Variants in FYB2 observed in about 807,000 individuals in gnomAD.
FYB2 encodes the protein FYN binding protein 2.
Under a neutral mutation model 94.1 loss-of-function variants are expected in FYB2, and 103 were observed. The observed-to-expected ratio is 1.09, with a 90% CI of 0.93 to 1.29. FYB2 has a LOEUF of 1.29. Among genes scored for constraint, FYB2 ranks in the 50% most tolerant of loss-of-function variants. The pLI, the probability that FYB2 is intolerant of heterozygous loss-of-function variation, is 0.00. For synonymous variants in FYB2, 293 were observed against 287.9 expected, an observed-to-expected ratio of 1.02 and a Z score of -0.18; for missense variants, 896 against 841.5, an observed-to-expected ratio of 1.06 and a Z score of -0.80.
chr1:56,763,310 G>C (rs992871235), intron 5 of FYB2, among the ~76,000 whole-genome samples: 1 of 152,100 alleles, frequency 6.6e-6, no homozygotes, highest in Non-Finnish European at 1.5e-5. Context: ...CCATTTTTGG[G>C]AAAGATTGTA....
At chr1:56,760,831 C>A (rs1313979452) in intron 5 of FYB2, among the ~76,000 whole-genome samples, 1 of 152,146 alleles carries the variant, frequency 6.6e-6, no homozygotes, top group Admixed American at 6.5e-5. Flanking sequence ...AGTGGAGGTT[C>A]TTTCGTGGCA....
chr1:56,722,141 C>T (rs1482462452), intron 17 of FYB2, among the ~76,000 whole-genome samples: 2 of 152,000 alleles, frequency 1.3e-5, no homozygotes, highest in African/African-American at 4.8e-5. Flanking sequence ...TGTTGTTTTT[C>T]AATTAATCAA....
At chr1:56,768,401 T>C (rs946599586) in intron 4 of FYB2, among the ~76,000 whole-genome samples, 3 of 152,192 alleles carry the variant, frequency 2.0e-5, no homozygotes, top group Non-Finnish European at 2.9e-5. Flanking sequence ...AATATGCTGT[T>C]CCATCTGTAA....
At chr1:56,774,199 A>G (rs1645823881) in intron 4 of FYB2, among the ~76,000 whole-genome samples, 1 of 152,204 alleles carries the variant, frequency 6.6e-6, no homozygotes, top group African/African-American at 2.4e-5. Flanking sequence ...AGTAGAGCAG[A>G]ATGATTCAGA....
chr1:56,744,895 G>A (rs894517920), intron 9 of FYB2, among the ~76,000 whole-genome samples: 1 of 151,924 alleles, frequency 6.6e-6, no homozygotes, highest in Non-Finnish European at 1.5e-5. Context: ...TTTAGGGTAT[G>A]GGTAATTCAT....
intron 8 of FYB2, among the ~76,000 whole-genome samples, chr1:56,753,154 A>C (rs145760795): frequency 5.3e-5 from 8 of 152,192 alleles, no homozygotes; most frequent in African/African-American, 1.9e-4. Flanking sequence ...GCATCTTAAA[A>C]GATAGGCACA....
At chr1:56,771,644 A>G (rs1222624899) in intron 4 of FYB2, among the ~76,000 whole-genome samples, 1 of 152,208 alleles carries the variant, frequency 6.6e-6, no homozygotes, top group African/African-American at 2.4e-5. Context: ...AGGTGAGGTT[A>G]GAGTTGAAGC....
chr1:56,755,247 G>C (rs981902838), intron 7 of FYB2, among the ~76,000 whole-genome samples: 2 of 152,034 alleles, frequency 1.3e-5, no homozygotes, highest in Admixed American at 1.3e-4. Context: ...CTCCCAGACA[G>C]GAAGGGGAGT....
intron 17 of FYB2, among the ~76,000 whole-genome samples, chr1:56,723,115 C>T (rs549809230): frequency 1.3e-5 from 2 of 152,070 alleles, no homozygotes; most frequent in African/African-American, 4.8e-5. Flanking sequence ...ACTGTGCTTA[C>T]AGTTTTATGT....
chr1:56,771,523 G>T lies in FYB2; in HGVS notation c.954-3585C>A, dbSNP rs529221075. Among the ~76,000 whole-genome samples the T allele has an allele frequency of 2.6e-5, 4 of 152,294 alleles. No homozygotes were observed. The East Asian group carries it at 7.7e-4, about 29-fold the overall frequency. On this transcript the variant is annotated intron_variant, in intron 4 of 19. Coordinates refer to ENST00000343433, the MANE Select transcript of FYB2 (RefSeq NM_001004303.5). ...GGAGAAAGGGAAATGGAATTATGGA[G>T]TAAATTCATAATCTTTTCCCCTCTG...
intron 4 of FYB2, among the ~76,000 whole-genome samples, chr1:56,784,787 C>A (rs758436120): frequency 2.6e-4 from 39 of 152,290 alleles, no homozygotes; most frequent in South Asian, 1.2e-3. Context: ...ATCCACCCAT[C>A]AACTACATCT....
intron 1 of FYB2, among the ~76,000 whole-genome samples, chr1:56,811,860 A>G (rs1646776390): frequency 6.6e-6 from 1 of 152,224 alleles, no homozygotes; most frequent in Non-Finnish European, 1.5e-5. Flanking sequence ...AATCTTTTAA[A>G]AGTTTAAGTG....
chr1:56,796,350 C>T (rs1487916893), intron 1 of FYB2, among the ~76,000 whole-genome samples: 1 of 152,118 alleles, frequency 6.6e-6, no homozygotes, highest in Non-Finnish European at 1.5e-5. Context: ...TAGGGTCCTT[C>T]TGGTTAAAAC....
chr1:56,819,475 G>A, upstream of FYB2: 2 of 771,702 alleles, frequency 2.6e-6, no homozygotes, highest in Non-Finnish European at 4.1e-6. Context: ...CTGGGGCTGG[G>A]CCAGGGCCGG....
intron 8 of FYB2, among the ~76,000 whole-genome samples, chr1:56,752,565 G>A (rs1469829460): frequency 6.6e-6 from 1 of 152,036 alleles, no homozygotes; most frequent in Non-Finnish European, 1.5e-5. Flanking sequence ...TTAGGTCATA[G>A]TACCAAGAAT....
intron 1 of FYB2, among the ~76,000 whole-genome samples, chr1:56,815,015 C>T (rs1289201373): frequency 1.3e-5 from 2 of 152,162 alleles, no homozygotes. Context: ...GAGGTGAAGC[C>T]TCTCAGTGGC....
intron 15 of FYB2, among the ~76,000 whole-genome samples, chr1:56,728,565 C>T (rs1644634763): frequency 6.6e-6 from 1 of 151,998 alleles, no homozygotes; most frequent in African/African-American, 2.4e-5. Flanking sequence ...TTAGACAGGG[C>T]TTCTTAGAAA....
At chr1:56,790,578 A>G (rs1046521987) in intron 2 of FYB2, among the ~76,000 whole-genome samples, 1 of 152,076 alleles carries the variant, frequency 6.6e-6, no homozygotes, top group African/African-American at 2.4e-5. Context: ...CTTCTTCCTC[A>G]TCCCTTCATC....
At chr1:56,773,204 T>C (rs1262094310) in intron 4 of FYB2, among the ~76,000 whole-genome samples, 1 of 152,126 alleles carries the variant, frequency 6.6e-6, no homozygotes. Flanking sequence ...ACAAGTGACC[T>C]CTCATGGTTG....
Sources: gnomAD v4.1 joint callset for allele counts (sites outside exome capture counted in the v4.1 genomes callset) on GRCh38, gnomAD v4.1.1 for gene constraint, MANE v1.5 for transcripts, NCBI Gene and HGNC (gene_info 2026-07-23, HGNC 2026-07-21) for gene names.